The following TCF7L1 variants were observed in gnomAD, a reference collection of about 807,000 sequenced individuals.
The protein encoded by TCF7L1 is transcription factor 7 like 1, also known as transcription factor 7-like 1.
In TCF7L1, 18 loss-of-function variants were observed where a neutral mutation model predicts 63.7. The observed-to-expected ratio is 0.28, with a 90% CI of 0.20 to 0.42. The LOEUF (loss-of-function observed/expected upper bound fraction) is 0.42. TCF7L1 is among the 10% of genes least tolerant of loss of function. The probability of loss-of-function intolerance (pLI) is 1.00; values close to 1 mark genes in which losing one functional copy is unlikely to be tolerated. For synonymous variants in TCF7L1, 355 were observed against 340.9 expected (o/e 1.04, Z -0.46); for missense variants, 654 against 779.3 (o/e 0.84, Z 1.91).
intron 3 of TCF7L1, among the ~76,000 whole-genome samples, chr2:85,241,437 G>GTTTTTTTTTT (rs772334481): frequency 1.7e-4 from 14 of 83,072 alleles, no homozygotes; most frequent in African/African-American, 2.7e-4. Context: ...CTTTGTTTTT[G>GTTTTTTTTTT]TTTTTTTTTT....
chr2:85,150,598 T>C (rs1370590428), intron 3 of TCF7L1, among the ~76,000 whole-genome samples: 1 of 152,022 alleles, frequency 6.6e-6, no homozygotes, highest in East Asian at 1.9e-4. Context: ...TTTTTTTTTT[T>C]TTCTGGTGTT....
At chr2:85,149,565 G>A (rs1158381679) in intron 3 of TCF7L1, among the ~76,000 whole-genome samples, 1 of 151,640 alleles carries the variant, frequency 6.6e-6, no homozygotes, top group African/African-American at 2.4e-5. Context: ...TGGCTGCAAC[G>A]CCCAGGCTGG....
intron 3 of TCF7L1, among the ~76,000 whole-genome samples, chr2:85,186,043 T>G (rs1010011224): frequency 6.9e-6 from 1 of 145,086 alleles, no homozygotes; most frequent in Non-Finnish European, 1.5e-5. Flanking sequence ...CTCGGCTCAC[T>G]GCAAGCTCTG....
chr2:85,239,800 C>T (rs1030098892), intron 3 of TCF7L1, among the ~76,000 whole-genome samples: 1 of 151,762 alleles, frequency 6.6e-6, no homozygotes, highest in Admixed American at 6.6e-5. Flanking sequence ...AAAAATTTAG[C>T]CGGGCATGGT....
At chr2:85,265,765 G>C (rs1345664610) in intron 3 of TCF7L1, among the ~76,000 whole-genome samples, 3 of 149,580 alleles carry the variant, frequency 2.0e-5, no homozygotes, top group Admixed American at 6.6e-5. Context: ...GACTTTACTG[G>C]GTTTTTTTTT....
chr2:85,203,118 A>G (rs1572989954), intron 3 of TCF7L1, among the ~76,000 whole-genome samples: 1 of 152,132 alleles, frequency 6.6e-6, no homozygotes, highest in Non-Finnish European at 1.5e-5. Flanking sequence ...TACAGGCATG[A>G]GCCACCGCGC....
rs758216798 is a variant in TCF7L1, at chr2:85,134,806, TG to T, written c.441+360del. Among the ~76,000 whole-genome samples, 1 of 152,094 alleles carries T rather than the reference TG, an allele frequency of 6.6e-6. No homozygotes were observed. Among genetic ancestry groups the T allele is most frequent in the Non-Finnish European group, 1.5e-5 (1 of 67,998 alleles). The stretch of plus-strand genomic sequence containing the variant: ...GAAATCGGTCAGCTTTCTCTGGCAG[TG>T]GGGCAAGGGGCCTAGGGAGCTGGGT... On this transcript the variant is annotated intron_variant, in intron 3 of 11. Coordinates refer to ENST00000282111, the MANE Select transcript of TCF7L1 (RefSeq NM_031283.3). This position sits in a 1 kb window ranked among gnomAD's most constrained non-coding sequence, Gnocchi z 5.0.
intron 11 of TCF7L1, among the ~76,000 whole-genome samples, chr2:85,308,093 G>A (rs1682159053): frequency 6.6e-6 from 1 of 152,142 alleles, no homozygotes; most frequent in Non-Finnish European, 1.5e-5. Flanking sequence ...TGGATCCAGG[G>A]GAGCCCGGGT....
chr2:85,243,670 C>G (rs1468410160), intron 3 of TCF7L1, among the ~76,000 whole-genome samples: 2 of 152,122 alleles, frequency 1.3e-5, no homozygotes, highest in Non-Finnish European at 2.9e-5. Context: ...AGAGGCAGCC[C>G]CAGGCATGGG....
chr2:85,249,556 T>C (rs1467634050), intron 3 of TCF7L1, among the ~76,000 whole-genome samples: 1 of 152,154 alleles, frequency 6.6e-6, no homozygotes, highest in Non-Finnish European at 1.5e-5. Flanking sequence ...CCAAAACCCC[T>C]CTTCTCAAGG....
At chr2:85,171,485 G>A (rs1417832133) in intron 3 of TCF7L1, among the ~76,000 whole-genome samples, 1 of 152,218 alleles carries the variant, frequency 6.6e-6, no homozygotes, top group Non-Finnish European at 1.5e-5. Context: ...GCTTTGTGGT[G>A]TGTACTGCTA....
chr2:85,227,771 G>A (rs1323129673), intron 3 of TCF7L1, among the ~76,000 whole-genome samples: 1 of 151,916 alleles, frequency 6.6e-6, no homozygotes, highest in East Asian at 1.9e-4. Flanking sequence ...AAGGTGGGAG[G>A]ATCTCTTGAG....
Position 85,310,294 on chromosome 2 carries a change from G to GT in TCF7L1, c.*833dup, listed in dbSNP as rs1682248115. 6.6e-6 allele frequency: 1 copy of GT among 152,552 alleles called. No individual in the cohort carries two copies. Among genetic ancestry groups the GT allele is most frequent in the Admixed American group, 6.5e-5 (1 of 15,274 alleles). The allele number at this position is 152,552 out of a possible 1,614,324, so 9.4% of individuals were successfully genotyped here. A position where few individuals can be genotyped will look rare whatever the true frequency, so the allele number is the denominator to read the frequency against. On this transcript the variant is annotated 3_prime_UTR_variant, in exon 12 of 12. Coordinates refer to ENST00000282111, the MANE Select transcript of TCF7L1 (RefSeq NM_031283.3). ...ATCACCTCACATGCTTCTTCTGTGTGTATTTCTTTTTGTTTTTATGGTTTT... is the reference window on the plus strand; with the variant it reads ...ATCACCTCACATGCTTCTTCTGTGTGTTATTTCTTTTTGTTTTTATGGTTTT...
chr2:85,206,552 T>G (rs1679414081), intron 3 of TCF7L1, among the ~76,000 whole-genome samples: 2 of 152,224 alleles, frequency 1.3e-5, no homozygotes, highest in African/African-American at 4.8e-5. Context: ...GTCCATCCCA[T>G]CACCTGTAAT....
intron 3 of TCF7L1, among the ~76,000 whole-genome samples, chr2:85,209,195 T>A (rs1679487753): frequency 6.6e-6 from 1 of 152,206 alleles, no homozygotes; most frequent in Non-Finnish European, 1.5e-5. Flanking sequence ...TAAGGCAGTA[T>A]ATCTCTAAGC....
intron 3 of TCF7L1, among the ~76,000 whole-genome samples, chr2:85,251,781 A>G (rs756564158): frequency 2.0e-5 from 3 of 152,176 alleles, no homozygotes; most frequent in Non-Finnish European, 4.4e-5. Flanking sequence ...TGCAATTCAG[A>G]GACACTCTAG....
At chr2:85,137,009 A>G (rs1677610679) in intron 3 of TCF7L1, among the ~76,000 whole-genome samples, 1 of 152,092 alleles carries the variant, frequency 6.6e-6, no homozygotes, top group Non-Finnish European at 1.5e-5. Flanking sequence ...CCTGGGATAT[A>G]TGATCCGATC....
At chr2:85,286,375 A>C (rs370167618) in intron 4 of TCF7L1, among the ~76,000 whole-genome samples, 85 of 147,128 alleles carry the variant, frequency 5.8e-4, no homozygotes, top group Admixed American at 8.6e-4. Context: ...AACAAACAAA[A>C]AAAAAAACTA....
At chr2:85,298,218 G>A (rs111702079) in intron 4 of TCF7L1, among the ~76,000 whole-genome samples, 31 of 91,758 alleles carry the variant, frequency 3.4e-4, no homozygotes, top group African/African-American at 1.4e-3. Context: ...TGCAGGCCGG[G>A]CGCGGTGGCT....
Sources: allele counts gnomAD v4.1 joint callset (sites outside exome capture counted in the v4.1 genomes callset), GRCh38; gene constraint gnomAD v4.1.1; non-coding constraint Gnocchi (gnomAD v3.1); transcripts MANE v1.5; gene names NCBI Gene and HGNC (gene_info 2026-07-23, HGNC 2026-07-21).